The following TEX9 variants were observed in gnomAD, a reference collection of about 807,000 sequenced individuals.
TEX9 encodes the protein testis expressed 9, also known as testis-expressed protein 9.
In TEX9, 74 loss-of-function variants were observed where a neutral mutation model predicts 59.6. That is an observed-to-expected ratio of 1.24 (90% CI 1.03 to 1.51). The LOEUF is 1.51. Ranked by LOEUF, TEX9 falls within the 40% of genes most tolerant of loss-of-function variation. The pLI, the probability that TEX9 is intolerant of heterozygous loss-of-function variation, is 0.00. For missense variants in TEX9, 522 were observed against 447.8 expected, an observed-to-expected ratio of 1.17 and a Z score of -1.49; for synonymous variants, 186 against 152.2, an observed-to-expected ratio of 1.22 and a Z score of -1.64.
chr15:56,269,714 G>A (rs1169590214), intron 1 of TEX9, among the ~76,000 whole-genome samples: 1 of 149,066 alleles, frequency 6.7e-6, no homozygotes, highest in African/African-American at 2.5e-5. Flanking sequence ...GTACAGAGGT[G>A]TGATGTCGGC....
intron 12 of TEX9, chr15:56,428,531 A>C (rs1296180457): frequency 3.4e-6 from 3 of 887,718 alleles, no homozygotes; most frequent in East Asian, 2.5e-5. Context: ...TTTATTCTTC[A>C]TAAGTAATAT....
chr15:56,374,322 G>A (rs2047326512), intron 3 of TEX9: 1 of 151,928 alleles, frequency 6.6e-6, no homozygotes, highest in African/African-American at 2.4e-5. Flanking sequence ...AAGGGGTTGG[G>A]GAATGGATTC....
intron 1 of TEX9, among the ~76,000 whole-genome samples, chr15:56,321,118 T>C (rs969891294): frequency 6.6e-6 from 1 of 152,178 alleles, no homozygotes; most frequent in Non-Finnish European, 1.5e-5. Context: ...TCAATGCCAC[T>C]GTGTGATTCA....
chr15:56,413,282 AATTTAATAATAAATT>A (rs1281760979), intron 10 of TEX9, among the ~76,000 whole-genome samples: 1 of 662 alleles, frequency 1.5e-3, no homozygotes, highest in Non-Finnish European at 5.7e-3. Context: ...ATAATTAAAT[AATTTAATAATAAATT>A]ATTTAATTTA....
intron 9 of TEX9, among the ~76,000 whole-genome samples, chr15:56,401,308 C>CAAAAAAAAAAAAAAAAAAAAAAAA (rs1207055803): frequency 2.1e-5 from 1 of 46,776 alleles, no homozygotes. Context: ...AAATTGAAAG[C>CAAAAAAAAAAAAAAAAAAAAAAAA]AAAAAAAAAA....
intron 10 of TEX9, among the ~76,000 whole-genome samples, chr15:56,415,352 G>A (rs562142490): frequency 4.0e-5 from 6 of 151,874 alleles, no homozygotes; most frequent in Middle Eastern, 3.4e-3. Context: ...TGTCTTCCAG[G>A]GTTTTTATAG....
intron 10 of TEX9, among the ~76,000 whole-genome samples, chr15:56,423,892 C>T (rs2050114565): frequency 1.3e-5 from 2 of 152,068 alleles, no homozygotes; most frequent in Admixed American, 6.6e-5. Flanking sequence ...ATACTGAACC[C>T]AATGTGTAGT....
At chr15:56,311,364 G>A (rs754612711) in intron 1 of TEX9, among the ~76,000 whole-genome samples, 4,647 of 137,108 alleles carry the variant, frequency 0.034, 111 homozygotes, top group Admixed American at 0.065. Context: ...TCATTGTTCA[G>A]TCCCCACCTA....
chr15:56,444,718 A>G (rs770312666), intron 12 of TEX9: 9 of 1,408,620 alleles, frequency 6.4e-6, no homozygotes, highest in Admixed American at 1.9e-5. Context: ...AAATTTGAAC[A>G]TAGTACGATA....
intron 12 of TEX9, among the ~76,000 whole-genome samples, chr15:56,439,199 A>G (rs2050778542): frequency 6.6e-6 from 1 of 152,154 alleles, no homozygotes; most frequent in South Asian, 2.1e-4. Context: ...AAAATGAAAC[A>G]CTTAGATGTA....
intron 12 of TEX9, among the ~76,000 whole-genome samples, chr15:56,435,940 C>T (rs1431684612): frequency 1.3e-5 from 2 of 151,982 alleles, no homozygotes; most frequent in African/African-American, 4.8e-5. Context: ...AAGAATTATT[C>T]ACCATGACCA....
chr15:56,415,159 C>G (rs1327446193), intron 10 of TEX9, among the ~76,000 whole-genome samples: 1 of 151,778 alleles, frequency 6.6e-6, no homozygotes, highest in Admixed American at 6.6e-5. Context: ...GCATAGTTTG[C>G]AAAAATTTTC....
chr15:56,415,701 A>C (rs1465294428), intron 10 of TEX9, among the ~76,000 whole-genome samples: 5 of 151,828 alleles, frequency 3.3e-5, no homozygotes, highest in Admixed American at 3.3e-4. Context: ...CTTTTTGCTT[A>C]GTATTGCCTT....
At chr15:56,329,341 C>G (rs1383474157) in intron 1 of TEX9, among the ~76,000 whole-genome samples, 1 of 152,092 alleles carries the variant, frequency 6.6e-6, no homozygotes, top group Non-Finnish European at 1.5e-5. Flanking sequence ...TAAATAAAGA[C>G]TGCAGTAAAT....
At chr15:56,443,649 G>T (rs1336981684) in intron 12 of TEX9, 2 of 1,612,208 alleles carry the variant, frequency 1.2e-6, no homozygotes, top group East Asian at 4.5e-5. Flanking sequence ...GCATTCTGAA[G>T]CTGTAGCCTT....
At chr15:56,405,666 G>A (rs567769129) in intron 9 of TEX9, among the ~76,000 whole-genome samples, 1 of 151,964 alleles carries the variant, frequency 6.6e-6, no homozygotes, top group East Asian at 1.9e-4. Flanking sequence ...ATTCTCATGG[G>A]TTATGTAGCC....
At chr15:56,431,595 A>G (rs2050598134) in intron 12 of TEX9, 7 of 1,237,706 alleles carry the variant, frequency 5.7e-6, no homozygotes, top group Admixed American at 4.4e-5. Context: ...GATAAAATTG[A>G]TGAACTATTT....
chr15:56,360,722 G>C (rs1435741853), upstream of TEX9, among the ~76,000 whole-genome samples: 1 of 152,148 alleles, frequency 6.6e-6, no homozygotes, highest in Non-Finnish European at 1.5e-5. Context: ...GCATGGCTTT[G>C]ATATATAAAA....
At chr15:56,266,490 T>C (rs1555429711) in intron 1 of TEX9, among the ~76,000 whole-genome samples, 1 of 112,018 alleles carries the variant, frequency 8.9e-6, no homozygotes, top group Non-Finnish European at 1.8e-5. Flanking sequence ...CCCCACCCAA[T>C]GACAGGCCCC....
Sources: allele counts gnomAD v4.1 joint callset (sites outside exome capture counted in the v4.1 genomes callset), GRCh38; gene constraint gnomAD v4.1.1; transcripts MANE v1.5; gene names NCBI Gene and HGNC (gene_info 2026-07-23, HGNC 2026-07-21).